MEIOB: variants seen among roughly 807,000 people sequenced by gnomAD.
MEIOB encodes meiosis-specific with OB domain-containing protein.
A neutral mutation model predicts 53.1 loss-of-function variants in MEIOB; 50 were observed. That is an observed-to-expected ratio of 0.94 (90% CI 0.75 to 1.19). MEIOB has a LOEUF of 1.19. Ranked by LOEUF, MEIOB falls within the 50% of genes most tolerant of loss-of-function variation. The pLI, the probability that MEIOB is intolerant of heterozygous loss-of-function variation, is 0.00. For missense variants in MEIOB, 551 were observed against 550.8 expected (o/e 1.00, Z 0.00); for synonymous variants, 192 against 182.5 (o/e 1.05, Z -0.42).
At chr16:1,864,439 T>C (rs367756308) in intron 3 of MEIOB, among the ~76,000 whole-genome samples, 46 of 152,142 alleles carry the variant, frequency 3.0e-4, no homozygotes, top group African/African-American at 1.1e-3. Context: ...GTTTTTCTCC[T>C]TCCCTCACAG....
chr16:1,836,233 T>C (rs995663430), intron 13 of MEIOB, among the ~76,000 whole-genome samples: 2 of 152,222 alleles, frequency 1.3e-5, no homozygotes, highest in African/African-American at 2.4e-5. Flanking sequence ...TGTAAAATAC[T>C]GTGTTACCTA....
Position 1,841,850 on chromosome 16 carries a change from T to A in MEIOB, c.1004A>T (p.Asp335Val). The change falls in exon 11 of 14, where the codon GAT (aspartate) becomes GTT (valine). Residue 335 changes from aspartate to valine, a missense_variant. By Grantham distance (152) the Asp-to-Val change is radical. Coordinates refer to ENST00000325962, the MANE Select transcript of MEIOB (RefSeq NM_001163560.3). Reference protein sequence around the residue: ...YAYISTLNIDDETTKVVRNRC... With the variant: ...YAYISTLNIDVETTKVVRNRC... ...ATTTCGAACTACTTTTGTAGTTTCATCATCAATGTTGAGTGTGGAAATGTA... is the reference window on the plus strand; with the variant it reads ...ATTTCGAACTACTTTTGTAGTTTCAACATCAATGTTGAGTGTGGAAATGTA... 6.3e-7 allele frequency: 1 copy of A among 1,589,864 alleles called. No individual in the cohort carries two copies. The highest frequency in any genetic ancestry group is 2.3e-5 in the East Asian group (1 of 44,394).
rs1010446295 is a variant in MEIOB at position 1,839,255 on chromosome 16, C to T, written c.1218G>A (p.Thr406=). 10 of 1,578,890 alleles carry T rather than the reference C, an allele frequency of 6.3e-6. No homozygotes were observed. Among genetic ancestry groups the T allele is most frequent in the East Asian group, 2.3e-5 (1 of 43,814 alleles). ...ACATTTCTTCCTTTTTGCTATTTAC[C>T]GTGCAGCCCAAAGTCTCCTCAGCAA... ...GSVAEETLGC[T]VHEFLAMTDE... is the part of the protein sequence containing the mutation. The change falls in exon 12 of 14, where the codon ACG becomes ACA. Residue 406 remains threonine, a splice_region_variant and synonymous_variant. Coordinates refer to ENST00000325962, the MANE Select transcript of MEIOB (RefSeq NM_001163560.3).
intron 10 of MEIOB, among the ~76,000 whole-genome samples, chr16:1,844,059 TAGATTAAA>T (rs1898975117): frequency 6.6e-6 from 1 of 152,094 alleles, no homozygotes; most frequent in Non-Finnish European, 1.5e-5. Flanking sequence ...CACAAAAAGA[TAGATTAAA>T]AGATGTTAAC....
At chr16:1,861,671 T>G (rs892503175) in intron 4 of MEIOB, among the ~76,000 whole-genome samples, 16 of 151,572 alleles carry the variant, frequency 1.1e-4, no homozygotes, top group Non-Finnish European at 1.8e-4. Flanking sequence ...GCCTCCTTAG[T>G]AGCTGGTACT....
rs1898790283 is a variant in MEIOB, at chr16:1,837,830, G to A, written c.1259C>T (p.Ala420Val). The change falls in exon 13 of 14, where the codon GCA (alanine) becomes GTA (valine). Residue 420 changes from alanine (A) to valine (V), a missense_variant. Ala to Val is a moderately conservative substitution (Grantham distance 64). Coordinates refer to ENST00000325962, the MANE Select transcript of MEIOB (RefSeq NM_001163560.3). ...FLAMTDEQKT[A>V]LKWQFLLERS... ...TTCCAAGAGAAATTGCCACTTTAAT[G>A]CTGTTTTCTGTTCATCTGTCATTGC... is the stretch of plus-strand genomic sequence containing the variant. 1 of 1,539,560 alleles carries A rather than the reference G, an allele frequency of 6.5e-7. No homozygotes were observed. Among genetic ancestry groups the A allele is most frequent in the South Asian group, 1.2e-5 (1 of 81,290 alleles).
At chr16:1,843,633 G>A (rs1332089062) in intron 10 of MEIOB, 1 of 151,680 alleles carries the variant, frequency 6.6e-6, no homozygotes, top group Non-Finnish European at 1.5e-5. Flanking sequence ...AGGAGGTGGA[G>A]GTTGCACTCA....
chr16:1,863,260 C>T (rs939015140), intron 3 of MEIOB, among the ~76,000 whole-genome samples: 8 of 151,882 alleles, frequency 5.3e-5, no homozygotes, highest in Non-Finnish European at 8.8e-5. Flanking sequence ...CGCGATCTCT[C>T]GGCTCACTGC....
intron 1 of MEIOB, among the ~76,000 whole-genome samples, chr16:1,868,447 G>C (rs1170928171): frequency 2.6e-5 from 4 of 152,008 alleles, no homozygotes; most frequent in African/African-American, 4.8e-5. Flanking sequence ...AGAAGTGCTT[G>C]AACCTGGGAG....
intron 7 of MEIOB, among the ~76,000 whole-genome samples, chr16:1,853,701 CTTG>C (rs1237372687): frequency 6.6e-6 from 1 of 152,158 alleles, no homozygotes; most frequent in Non-Finnish European, 1.5e-5. Context: ...TAGACAATGC[CTTG>C]TTGTACCTGG....
chr16:1,838,813 T>C (rs533697819), intron 12 of MEIOB, among the ~76,000 whole-genome samples: 65 of 152,276 alleles, frequency 4.3e-4, no homozygotes, highest in Non-Finnish European at 7.6e-4. Flanking sequence ...TGCCCCAGCC[T>C]CCTGAGTAGC....
intron 9 of MEIOB, among the ~76,000 whole-genome samples, chr16:1,847,188 G>A (rs1044162747): frequency 1.3e-5 from 2 of 151,954 alleles, no homozygotes; most frequent in East Asian, 1.9e-4. Context: ...TGGGCCGGGC[G>A]CTGTGGCTCA....
chr16:1,851,846 C>G (rs1295226627), intron 9 of MEIOB, among the ~76,000 whole-genome samples: 1 of 152,204 alleles, frequency 6.6e-6, no homozygotes, highest in Non-Finnish European at 1.5e-5. Context: ...ACATACTGTA[C>G]TCATAGCTTC....
chr16:1,840,547 ATT>A (rs202034014), intron 11 of MEIOB, among the ~76,000 whole-genome samples: 4,916 of 144,040 alleles, frequency 0.034, 251 homozygotes, highest in African/African-American at 0.11. Flanking sequence ...TCTTATTATT[ATT>A]TTTTTTTTTT....
chr16:1,841,180 C>CT (rs1898899994), intron 11 of MEIOB: 1 of 147,752 alleles, frequency 6.8e-6, no homozygotes, highest in African/African-American at 2.5e-5. Context: ...CCACACCCAG[C>CT]TAATTTTTTG....
At chr16:1,844,593 C>A (rs1312052223) in intron 10 of MEIOB, among the ~76,000 whole-genome samples, 1 of 151,950 alleles carries the variant, frequency 6.6e-6, no homozygotes, top group Non-Finnish European at 1.5e-5. Flanking sequence ...TCCTGAGCAG[C>A]TGGGATTACA....
rs188286529 is a variant in MEIOB at position 1,836,034 on chromosome 16, A to G, written c.1306-1668T>C. On this transcript the variant is annotated intron_variant, in intron 13 of 13. Transcript: ENST00000325962. ...GCCACCATGCCTGGCTAATTTTTGTAGTTTTAGCAGAGATGGGGTTTCACC... is the reference window on the plus strand; with the variant it reads ...GCCACCATGCCTGGCTAATTTTTGTGGTTTTAGCAGAGATGGGGTTTCACC... 1.9e-3 allele frequency among the ~76,000 whole-genome samples: 286 copies of G among 152,026 alleles called. 2 individuals are homozygous for G. The highest frequency in any genetic ancestry group is 6.5e-3 in the African/African-American group (271 of 41,492).
Position 1,851,148 on chromosome 16 carries a change from C to T in MEIOB, c.778+1891G>A, listed in dbSNP as rs143266037. Among the ~76,000 whole-genome samples, 65 of 152,264 alleles carry T rather than the reference C, an allele frequency of 4.3e-4. No individual in the cohort carries two copies. In the East Asian group the frequency reaches 0.012, roughly 27 times the overall value. On this transcript the variant is annotated intron_variant, in intron 9 of 13. Coordinates refer to ENST00000325962, the MANE Select transcript of MEIOB (RefSeq NM_001163560.3). ...CCCCAGCCTGCTACCCCATCCAGAGCAGAAGCCAGTGCACTCTAACAGCCT... is the reference window on the plus strand; with the variant it reads ...CCCCAGCCTGCTACCCCATCCAGAGTAGAAGCCAGTGCACTCTAACAGCCT...
intron 1 of MEIOB, among the ~76,000 whole-genome samples, chr16:1,869,304 T>C (rs1899672573): frequency 6.7e-6 from 1 of 150,096 alleles, no homozygotes. Flanking sequence ...TTTGTATTTT[T>C]AGTAGAGACG....
Sources: gnomAD v4.1 joint callset for allele counts (sites outside exome capture counted in the v4.1 genomes callset) on GRCh38, gnomAD v4.1.1 for gene constraint, MANE v1.5 for transcripts, NCBI Gene and HGNC (gene_info 2026-07-23, HGNC 2026-07-21) for gene names.